FAM13C: variants seen among roughly 807,000 people sequenced by gnomAD.
FAM13C encodes family with sequence similarity 13 member C.
Under a neutral mutation model 73.2 loss-of-function variants are expected in FAM13C, and 37 were observed. That is an observed-to-expected ratio of 0.51 (90% confidence interval 0.39 to 0.67). FAM13C has a LOEUF of 0.67. Among genes scored for constraint, FAM13C ranks in the 30% least tolerant of loss-of-function variants. The probability of loss-of-function intolerance (pLI) is 0.00; values close to 1 mark genes in which losing one functional copy is unlikely to be tolerated. For missense variants in FAM13C, 589 were observed against 715.6 expected, an observed-to-expected ratio of 0.82 and a Z score of 2.02; for synonymous variants, 246 against 260.9, an observed-to-expected ratio of 0.94 and a Z score of 0.55.
intron 3 of FAM13C, among the ~76,000 whole-genome samples, chr10:59,325,955 G>T (rs1185238922): frequency 6.6e-6 from 1 of 151,988 alleles, no homozygotes; most frequent in Non-Finnish European, 1.5e-5. Context: ...TAGGCATTAA[G>T]AAATGGCCCC....
At chr10:59,259,558 C>T (rs1842279041) in intron 10 of FAM13C, among the ~76,000 whole-genome samples, 1 of 152,100 alleles carries the variant, frequency 6.6e-6, no homozygotes, top group African/African-American at 2.4e-5. Flanking sequence ...ACATGGTTTA[C>T]TATATTAAGC....
intron 2 of FAM13C, 141 bp downstream of exon 2, chr10:59,355,746 A>G: frequency 2.4e-6 from 2 of 827,982 alleles, no homozygotes; most frequent in African/African-American, 1.7e-5. Flanking sequence ...TTTTGTCAAG[A>G]GGTAAAAATC....
At chr10:59,303,813 C>A (rs1168433962) in intron 4 of FAM13C, among the ~76,000 whole-genome samples, 2 of 152,086 alleles carry the variant, frequency 1.3e-5, no homozygotes, top group Non-Finnish European at 2.9e-5. Flanking sequence ...GTGATGTGAG[C>A]TTTTTTTCAT....
chr10:59,306,714 A>G (rs1238794353), intron 4 of FAM13C, among the ~76,000 whole-genome samples: 1 of 152,192 alleles, frequency 6.6e-6, no homozygotes, highest in Non-Finnish European at 1.5e-5. Flanking sequence ...CATCTCTACT[A>G]AAATACAAAA....
chr10:59,262,396 T>C, intron 10 of FAM13C, 38 bp downstream of exon 10: 1 of 1,576,082 alleles, frequency 6.3e-7, no homozygotes. Flanking sequence ...CTGTGTGGAC[T>C]ACAGGGGCCC....
At position 59,344,337 on chromosome 10, in the gene FAM13C, A is replaced by G. The variant is rs1402663930; in HGVS notation, c.324+7933T>C. 1.2e-3 allele frequency among the ~76,000 whole-genome samples: 157 copies of G among 129,134 alleles called. No homozygotes were observed. In the Middle Eastern group the frequency reaches 0.037, roughly 30 times the overall value. 84.7% of individuals were successfully genotyped at this position (129,134 alleles called of 152,430 possible). A position where few individuals can be genotyped will look rare whatever the true frequency, so the allele number is the denominator to read the frequency against. The stretch of plus-strand genomic sequence containing the variant: ...TCTGTCGCCCAGGCTGGAGTGCAGC[A>G]GCGCGATCTCGGCTCACTGCAAGTT... On this transcript the variant is annotated intron_variant, in intron 3 of 13. Transcript: ENST00000618804.
chr10:59,324,174 G>T, intron 3 of FAM13C, 68 bp from the exon 4 acceptor site: 1 of 1,262,932 alleles, frequency 7.9e-7, no homozygotes, highest in Non-Finnish European at 1.1e-6. Flanking sequence ...TTATTATGCT[G>T]GAAGTGGGTC....
intron 1 of FAM13C, among the ~76,000 whole-genome samples, chr10:59,359,280 C>A (rs1856102335): frequency 1.3e-5 from 2 of 152,178 alleles, no homozygotes; most frequent in African/African-American, 4.8e-5. Flanking sequence ...CCACATTAAG[C>A]CCAAAAAGCA....
In FAM13C at chr10:59,252,958, C is replaced by T; in HGVS notation, c.1373G>A (p.Ser458Asn). 5.6e-6 allele frequency: 9 copies of T among 1,614,026 alleles called. No individual in the cohort carries two copies. Among genetic ancestry groups the T allele is most frequent in the Non-Finnish European group, 7.6e-6 (9 of 1,179,988 alleles). ...TGGATCTGCCAAAGAAGGTTGTTGG[C>T]TTCCCTGTGGACGGTCTTCATCAGA... ...EDSDEDRPQG[S>N]QQPSLADPAS... is the part of the protein sequence containing the mutation. The change falls in exon 12 of 14, where the codon AGC becomes AAC. Residue 458 changes from serine to asparagine, a missense_variant. Coordinates refer to ENST00000618804, the MANE Select transcript of FAM13C (RefSeq NM_198215.4).
At chr10:59,343,304 G>A (rs1000332262) in intron 3 of FAM13C, among the ~76,000 whole-genome samples, 7 of 152,098 alleles carry the variant, frequency 4.6e-5, no homozygotes, top group Non-Finnish European at 8.8e-5. Context: ...ATAATAGCAC[G>A]TATATCCTTT....
At chr10:59,254,895 G>A (rs1841801800) in intron 10 of FAM13C, among the ~76,000 whole-genome samples, 1 of 152,058 alleles carries the variant, frequency 6.6e-6, no homozygotes, top group Non-Finnish European at 1.5e-5. Context: ...TGCCTGGCCA[G>A]AAAGTCATTT....
chr10:59,271,773 A>C (rs1364401538), intron 6 of FAM13C, among the ~76,000 whole-genome samples: 1 of 152,220 alleles, frequency 6.6e-6, no homozygotes, highest in Admixed American at 6.5e-5. Context: ...CTAGGCTCTA[A>C]GAAGAAATGT....
chr10:59,249,408 G>GAA (rs71006241), intron 13 of FAM13C, among the ~76,000 whole-genome samples: 1,001 of 99,082 alleles, frequency 0.01, 18 homozygotes, highest in South Asian at 0.016. Context: ...CGTCTCAAAA[G>GAA]AAAAAAAAAA....
intron 11 of FAM13C, chr10:59,254,021 G>A (rs951018191): frequency 1.3e-5 from 4 of 313,390 alleles, no homozygotes; most frequent in Non-Finnish European, 2.3e-5. Flanking sequence ...GAAAGGCTCT[G>A]TTTTGTCTAG....
At chr10:59,268,740 G>A (rs1400070049) in intron 7 of FAM13C, 49 bp from the exon 8 acceptor site, 13 of 1,591,358 alleles carry the variant, frequency 8.2e-6, no homozygotes, top group Non-Finnish European at 1.1e-5. Flanking sequence ...TGGGCTTCCA[G>A]TAAACAGTTC....
At chr10:59,360,455 C>A (rs1856255247) in intron 1 of FAM13C, among the ~76,000 whole-genome samples, 2 of 152,038 alleles carry the variant, frequency 1.3e-5, no homozygotes. Context: ...CCGTGTAGGC[C>A]AAGACCACAC....
chr10:59,267,809 T>A (rs1462130352), intron 8 of FAM13C, among the ~76,000 whole-genome samples: 1 of 152,180 alleles, frequency 6.6e-6, no homozygotes, highest in Non-Finnish European at 1.5e-5. Context: ...AACAAGCTAT[T>A]CTGAGCTCTC....
chr10:59,346,542 T>C (rs897932089), intron 3 of FAM13C, among the ~76,000 whole-genome samples: 53 of 152,136 alleles, frequency 3.5e-4, no homozygotes, highest in African/African-American at 1.1e-3. Flanking sequence ...AAGCTCTATA[T>C]AGCCTCCTAC....
At chr10:59,275,810 C>T (rs11819163) in intron 6 of FAM13C, among the ~76,000 whole-genome samples, 34,674 of 151,992 alleles carry the variant, frequency 0.23, 5,323 homozygotes, top group African/African-American at 0.43. Flanking sequence ...TCAGGTATAA[C>T]AACACAGTAC....
Sources: allele counts gnomAD v4.1 joint callset (sites outside exome capture counted in the v4.1 genomes callset), GRCh38; gene constraint gnomAD v4.1.1; transcripts MANE v1.5; gene names NCBI Gene and HGNC (gene_info 2026-07-23, HGNC 2026-07-21).